The following NCOA1 variants were observed in gnomAD, a reference collection of about 807,000 sequenced individuals.
NCOA1 encodes Hin-2 protein.
NCOA1 carries 35 observed loss-of-function variants against 150.9 expected under a neutral mutation model. The observed-to-expected ratio is 0.23, with a 90% CI of 0.18 to 0.31. The LOEUF is 0.31. Ranked by LOEUF, NCOA1 falls within the 10% of genes least tolerant of loss-of-function variation. The pLI is 1.00. For synonymous variants in NCOA1, 590 were observed against 630.0 expected, an observed-to-expected ratio of 0.94 and a Z score of 0.95; for missense variants, 1,491 against 1,749.3, an observed-to-expected ratio of 0.85 and a Z score of 2.63.
intron 19 of NCOA1, among the ~76,000 whole-genome samples, chr2:24,744,583 A>G (rs1247510964): frequency 2.6e-5 from 4 of 152,260 alleles, no homozygotes; most frequent in South Asian, 2.1e-4. Flanking sequence ...AGCCTTTTCA[A>G]AACAAAAACA....
intron 1 of NCOA1, among the ~76,000 whole-genome samples, chr2:24,503,725 T>C (rs1156599059): frequency 6.7e-6 from 1 of 148,484 alleles, no homozygotes; most frequent in East Asian, 1.9e-4. Flanking sequence ...TCATGTATAC[T>C]TGTCTCTGTT....
chr2:24,557,777 A>G (rs979040097), intron 1 of NCOA1, among the ~76,000 whole-genome samples: 2 of 152,070 alleles, frequency 1.3e-5, no homozygotes, highest in Non-Finnish European at 2.9e-5. Context: ...TGAAAGGTAT[A>G]TACTCTATTC....
At chr2:24,643,433 A>G (rs1307978482) in intron 3 of NCOA1, among the ~76,000 whole-genome samples, 3 of 152,202 alleles carry the variant, frequency 2.0e-5, no homozygotes, top group Non-Finnish European at 4.4e-5. Flanking sequence ...CAGAGTTTAT[A>G]ACTGTTAACT....
chr2:24,761,257 A>G (rs1264967905), intron 21 of NCOA1, among the ~76,000 whole-genome samples: 1 of 152,220 alleles, frequency 6.6e-6, no homozygotes, highest in African/African-American at 2.4e-5. Flanking sequence ...AAATTGTCTC[A>G]CATTCACCGA....
intron 1 of NCOA1, among the ~76,000 whole-genome samples, chr2:24,552,632 T>A (rs757169873): frequency 3.9e-5 from 6 of 151,920 alleles, no homozygotes; most frequent in Non-Finnish European, 8.8e-5. Flanking sequence ...CCCAAAGTGC[T>A]GGGATTAAAG....
At chr2:24,745,071 G>C (rs1045138058) in intron 19 of NCOA1, among the ~76,000 whole-genome samples, 1 of 151,762 alleles carries the variant, frequency 6.6e-6, no homozygotes, top group Non-Finnish European at 1.5e-5. Flanking sequence ...TGGTATTTCT[G>C]AAAACAAGAA....
intron 3 of NCOA1, among the ~76,000 whole-genome samples, chr2:24,637,232 C>G (rs1426427548): frequency 9.8e-6 from 1 of 101,934 alleles, no homozygotes; most frequent in African/African-American, 3.8e-5. Flanking sequence ...TCCCTCCCCC[C>G]TCCCCCCACC....
At chr2:24,556,789 A>C (rs944191115) in intron 1 of NCOA1, among the ~76,000 whole-genome samples, 6 of 152,160 alleles carry the variant, frequency 3.9e-5, no homozygotes, top group South Asian at 2.1e-4. Context: ...CAGAATGTGC[A>C]TTAGTTCAAC....
chr2:24,637,586 C>T (rs928190622), intron 3 of NCOA1, among the ~76,000 whole-genome samples: 5 of 152,170 alleles, frequency 3.3e-5, no homozygotes, highest in East Asian at 1.9e-4. Flanking sequence ...TAAACTATCG[C>T]AAGAACAAAA....
At position 24,590,913 on chromosome 2, in the gene NCOA1, C is replaced by T. The variant is rs180764371; in HGVS notation, c.-175+6353C>T. Among the ~76,000 whole-genome samples, 681 of 152,236 alleles carry T rather than the reference C, an allele frequency of 4.5e-3. 3 individuals are homozygous for T. The highest frequency in any genetic ancestry group is 0.015 in the African/African-American group (637 of 41,540). On this transcript the variant is annotated intron_variant, in intron 3 of 22. Coordinates refer to ENST00000348332, the MANE Select transcript of NCOA1 (RefSeq NM_003743.5). ...GTTTTATTTATTGTCTGTCTCTTCTCACTGAATTATAAATAGCATGCAGGC... is the reference window on the plus strand; with the variant it reads ...GTTTTATTTATTGTCTGTCTCTTCTTACTGAATTATAAATAGCATGCAGGC...
At chr2:24,614,196 A>ATTTTTTTTTTTTTT (rs1558840251) in intron 3 of NCOA1, among the ~76,000 whole-genome samples, 1 of 13,160 alleles carries the variant, frequency 7.6e-5, no homozygotes, top group African/African-American at 2.1e-4. Flanking sequence ...ATTCATTTCC[A>ATTTTTTTTTTTTTT]TTCTTTTTTT....
At chr2:24,587,981 C>T (rs1249521727) in intron 3 of NCOA1, among the ~76,000 whole-genome samples, 4 of 152,150 alleles carry the variant, frequency 2.6e-5, no homozygotes, top group African/African-American at 9.7e-5. Context: ...TCATTATTCC[C>T]CTTTACAAAA....
chr2:24,733,744 AAAAAC>A (rs199792126), intron 17 of NCOA1, among the ~76,000 whole-genome samples: 4,833 of 152,068 alleles, frequency 0.032, 112 homozygotes, highest in East Asian at 0.11. Context: ...ACTCCATCTC[AAAAAC>A]AAAACAAAAC....
chr2:24,506,116 G>T (rs902880486), intron 1 of NCOA1, among the ~76,000 whole-genome samples: 1 of 151,776 alleles, frequency 6.6e-6, no homozygotes, highest in Non-Finnish European at 1.5e-5. Context: ...GCTTGTGCTG[G>T]TTTGCAAGTG....
intron 3 of NCOA1, among the ~76,000 whole-genome samples, chr2:24,617,864 CTG>C (rs974054415): frequency 1.3e-5 from 2 of 152,090 alleles, no homozygotes; most frequent in African/African-American, 4.8e-5. Flanking sequence ...TTCTTAAAAA[CTG>C]TGATATACAC....
At chr2:24,644,850 A>T (rs1670394687) in intron 4 of NCOA1, among the ~76,000 whole-genome samples, 1 of 152,208 alleles carries the variant, frequency 6.6e-6, no homozygotes, top group African/African-American at 2.4e-5. Flanking sequence ...TGTACTGAAC[A>T]TATTTGTGTA....
At chr2:24,692,275 C>T (rs575034366) in intron 9 of NCOA1, among the ~76,000 whole-genome samples, 1 of 152,266 alleles carries the variant, frequency 6.6e-6, no homozygotes, top group African/African-American at 2.4e-5. Context: ...AGAAGTCAGT[C>T]AGATGCAAGA....
intron 1 of NCOA1, among the ~76,000 whole-genome samples, chr2:24,553,928 T>A (rs1464462214): frequency 6.6e-6 from 1 of 152,252 alleles, no homozygotes; most frequent in Non-Finnish European, 1.5e-5. Flanking sequence ...CTTGAGAAGG[T>A]TTTAAATTAT....
intron 3 of NCOA1, among the ~76,000 whole-genome samples, chr2:24,605,071 G>A (rs1171493604): frequency 6.6e-6 from 1 of 152,178 alleles, no homozygotes; most frequent in Non-Finnish European, 1.5e-5. Context: ...TAAGTTCGCT[G>A]CCTTATGTGG....
Sources: gnomAD v4.1 joint callset for allele counts (sites outside exome capture counted in the v4.1 genomes callset) on GRCh38, gnomAD v4.1.1 for gene constraint, MANE v1.5 for transcripts, NCBI Gene and HGNC (gene_info 2026-07-23, HGNC 2026-07-21) for gene names.